The following EPHA6 variants were observed in gnomAD, a reference collection of about 807,000 sequenced individuals.
The protein encoded by EPHA6 is ephrin type-A receptor 6.
In EPHA6, 50 loss-of-function variants were observed where a neutral mutation model predicts 112.0. The ratio of observed to expected loss-of-function variants is 0.45; its 90% CI spans 0.36 to 0.56. The LOEUF (loss-of-function observed/expected upper bound fraction) is 0.56, where lower values mean the gene tolerates loss of function less well. EPHA6 is among the 20% of genes least tolerant of loss of function. The pLI, the probability that EPHA6 is intolerant of heterozygous loss-of-function variation, is 0.00. For missense variants in EPHA6, 1,280 were observed against 1,417.4 expected, an observed-to-expected ratio of 0.90 and a Z score of 1.56; for synonymous variants, 529 against 490.7, an observed-to-expected ratio of 1.08 and a Z score of -1.03.
chr3:97,448,628 G>T lies in EPHA6; in HGVS notation c.1792G>T (p.Gly598Cys). The change falls in exon 7 of 18, where the codon GGT (glycine) becomes TGT (cysteine). Residue 598 changes from glycine to cysteine, a missense_variant. By Grantham distance (159) the Gly-to-Cys change is radical. Coordinates refer to ENST00000389672, the MANE Select transcript of EPHA6 (RefSeq NM_001080448.3). ...CAAAGCCCCCAGTGTCATCATCACA[G>T]GTCTTAAGCCAGCCACCAAATATGT... ...RSKAPSVIIT[G>C]LKPATKYVFH... 1.2e-6 allele frequency: 2 copies of T among 1,613,524 alleles called. No individual in the cohort carries two copies. The highest frequency in any genetic ancestry group is 1.7e-6 in the Non-Finnish European group (2 of 1,179,604).
chr3:96,867,493 T>G (rs527609371), intron 2 of EPHA6, among the ~76,000 whole-genome samples: 1 of 151,796 alleles, frequency 6.6e-6, no homozygotes, highest in Admixed American at 6.6e-5. Flanking sequence ...TTTATATATT[T>G]TGCATCATTT....
At chr3:97,324,460 T>TCTTTCTTTCTTTCTTC (rs2082305275) in intron 5 of EPHA6, among the ~76,000 whole-genome samples, 1 of 148,520 alleles carries the variant, frequency 6.7e-6, no homozygotes, top group African/African-American at 2.5e-5. Flanking sequence ...TTTCTTTCTT[T>TCTTTCTTTCTTTCTTC]CTTTCTTTCT....
rs1553746301 is a variant in EPHA6, at chr3:97,324,423, T to TTCTTTC, written c.1606+80138_1606+80143dup. 3.8e-4 allele frequency among the ~76,000 whole-genome samples: 54 copies of TTCTTTC among 143,542 alleles called. 1 individual carries two copies. Among genetic ancestry groups the TTCTTTC allele is most frequent in the African/African-American group, 1.4e-3 (51 of 37,536 alleles). 94.2% of individuals were successfully genotyped at this position (143,542 alleles called of 152,430 possible). ...TTCCTTCTTTTCTTTCTTTCTTTCT[T>TTCTTTC]TCTTTCTTTCTTTCTTTCTTTCTTT... On this transcript the variant is annotated intron_variant, in intron 5 of 17. Transcript: ENST00000389672.
chr3:96,987,301 C>T (rs1311265743), intron 2 of EPHA6, 29 bp from the exon 3 acceptor site: 1 of 1,543,962 alleles, frequency 6.5e-7, no homozygotes, highest in Middle Eastern at 1.7e-4. Flanking sequence ...GGTTTAAAAT[C>T]ACTTAATTAC....
Position 97,179,717 on chromosome 3 carries a change from G to GTCTCTCTCTCTCTCTCTCTC in EPHA6, c.1115-46522_1115-46503dup, listed in dbSNP as rs71113852. On this transcript the variant is annotated intron_variant, in intron 3 of 17. Coordinates refer to ENST00000389672, the MANE Select transcript of EPHA6 (RefSeq NM_001080448.3). ...TTTTACTTTCTGCCAAACCTACAGA[G>GTCTCTCTCTCTCTCTCTCTC]TCTCTCTCTCTCTCTCTCTCTCTCT... Among the ~76,000 whole-genome samples the GTCTCTCTCTCTCTCTCTCTC allele has an allele frequency of 3.3e-4, 39 of 119,164 alleles. 1 individual carries two copies. The highest frequency in any genetic ancestry group is 1.3e-3 in the African/African-American group (35 of 26,164). The allele number at this position is 119,164 out of a possible 152,430, so 78.2% of individuals were successfully genotyped here.
At chr3:97,372,122 C>T (rs1234370478) in intron 5 of EPHA6, among the ~76,000 whole-genome samples, 2 of 152,058 alleles carry the variant, frequency 1.3e-5, no homozygotes, top group African/African-American at 2.4e-5. Context: ...ACACCCTATT[C>T]GTACACTCCC....
chr3:96,995,181 G>C (rs1335231639), intron 3 of EPHA6, among the ~76,000 whole-genome samples: 1 of 151,974 alleles, frequency 6.6e-6, no homozygotes, highest in Non-Finnish European at 1.5e-5. Context: ...AAACATTTAT[G>C]CTGTGTGTTT....
At chr3:97,117,710 ATTACT>A (rs975782527) in intron 3 of EPHA6, among the ~76,000 whole-genome samples, 11 of 151,530 alleles carry the variant, frequency 7.3e-5, no homozygotes, top group African/African-American at 2.7e-4. Flanking sequence ...TGCTGTTTTG[ATTACT>A]TTATCTTTGA....
chr3:96,906,894 A>G (rs979204409), intron 2 of EPHA6, among the ~76,000 whole-genome samples: 3 of 151,968 alleles, frequency 2.0e-5, no homozygotes, highest in Non-Finnish European at 4.4e-5. Flanking sequence ...GGATATGCTT[A>G]TTGGGTTTAG....
chr3:97,492,974 CTTTTT>C (rs373733285), intron 10 of EPHA6, among the ~76,000 whole-genome samples: 2 of 130,912 alleles, frequency 1.5e-5, no homozygotes, highest in Admixed American at 7.7e-5. Flanking sequence ...TAAGCTTTTC[CTTTTT>C]TTTTTTTTTT....
At chr3:97,361,107 G>A (rs1447798262) in intron 5 of EPHA6, among the ~76,000 whole-genome samples, 1 of 152,104 alleles carries the variant, frequency 6.6e-6, no homozygotes, top group African/African-American at 2.4e-5. Context: ...CTACTAGGAG[G>A]CTCATTCTTT....
At chr3:97,731,863 G>A (rs943094907) in intron 15 of EPHA6, among the ~76,000 whole-genome samples, 6 of 151,734 alleles carry the variant, frequency 4.0e-5, no homozygotes, top group South Asian at 2.1e-4. Context: ...ACCAGCTGAC[G>A]AAGCCAAAAT....
intron 14 of EPHA6, among the ~76,000 whole-genome samples, chr3:97,711,062 C>T (rs1319959300): frequency 1.3e-5 from 2 of 152,266 alleles, no homozygotes; most frequent in East Asian, 1.9e-4. Flanking sequence ...TGAATTCCCA[C>T]GTGTTGTGGG....
intron 2 of EPHA6, among the ~76,000 whole-genome samples, chr3:96,918,330 T>C (rs1174455176): frequency 2.0e-5 from 3 of 152,208 alleles, no homozygotes; most frequent in Non-Finnish European, 4.4e-5. Context: ...TAGTCTAATG[T>C]TATTAACACA....
At chr3:97,631,181 G>A (rs2093899783) in intron 13 of EPHA6, among the ~76,000 whole-genome samples, 1 of 152,060 alleles carries the variant, frequency 6.6e-6, no homozygotes, top group African/African-American at 2.4e-5. Flanking sequence ...TAATATGGGT[G>A]AGGATATTTT....
At chr3:97,580,825 A>G (rs2093430650) in intron 11 of EPHA6, among the ~76,000 whole-genome samples, 1 of 152,230 alleles carries the variant, frequency 6.6e-6, no homozygotes, top group Non-Finnish European at 1.5e-5. Flanking sequence ...TAGCCTCACT[A>G]AAAGTTAGAA....
At chr3:97,464,481 A>G (rs1403836549) in intron 7 of EPHA6, among the ~76,000 whole-genome samples, 1 of 152,144 alleles carries the variant, frequency 6.6e-6, no homozygotes. Flanking sequence ...AATGTTGAGA[A>G]GCCCAACCAG....
chr3:97,265,023 C>T (rs770636650), intron 5 of EPHA6, among the ~76,000 whole-genome samples: 18 of 152,206 alleles, frequency 1.2e-4, no homozygotes, highest in Non-Finnish European at 2.4e-4. Context: ...TGCAGCTGGT[C>T]ATCCTGACAA....
At chr3:97,658,468 T>A (rs1197187608) in intron 14 of EPHA6, among the ~76,000 whole-genome samples, 2 of 151,912 alleles carry the variant, frequency 1.3e-5, no homozygotes, top group Non-Finnish European at 2.9e-5. Flanking sequence ...GACAGTAATG[T>A]CATTCAGTTG....
Sources: allele counts gnomAD v4.1 joint callset (sites outside exome capture counted in the v4.1 genomes callset), GRCh38; gene constraint gnomAD v4.1.1; transcripts MANE v1.5; gene names NCBI Gene and HGNC (gene_info 2026-07-23, HGNC 2026-07-21).